The following BHMT variants were observed in gnomAD, a reference collection of about 807,000 sequenced individuals.
BHMT encodes the protein betaine--homocysteine S-methyltransferase.
A neutral mutation model predicts 49.5 loss-of-function variants in BHMT; 38 were observed. The observed-to-expected ratio is 0.77, with a 90% confidence interval of 0.59 to 1.01. The LOEUF is 1.01. Ranked by LOEUF, BHMT falls within the 50% of genes least tolerant of loss-of-function variation. The pLI is 0.00. For synonymous variants in BHMT, 166 were observed against 176.3 expected, an observed-to-expected ratio of 0.94 and a Z score of 0.46; for missense variants, 426 against 495.7, an observed-to-expected ratio of 0.86 and a Z score of 1.34.
chr5:79,113,105 C>T (rs1227667563), intron 1 of BHMT, among the ~76,000 whole-genome samples: 2 of 152,214 alleles, frequency 1.3e-5, no homozygotes, highest in Non-Finnish European at 2.9e-5. Flanking sequence ...AAAAAGACCT[C>T]TACACAAGGA....
chr5:79,122,026 C>A (rs906534093), intron 5 of BHMT, among the ~76,000 whole-genome samples: 4 of 151,624 alleles, frequency 2.6e-5, no homozygotes, highest in African/African-American at 9.7e-5. Context: ...ACTGCAATCT[C>A]CGCCTCCCAG....
intron 5 of BHMT, 146 bp from the exon 6 acceptor site, chr5:79,125,900 G>A (rs1165225945): frequency 1.5e-5 from 11 of 746,750 alleles, no homozygotes; most frequent in East Asian, 1.1e-4. Context: ...CTGAGATCAC[G>A]CTACTGCACT....
chr5:79,116,203 A>G (rs1206105730), intron 2 of BHMT: 1 of 191,078 alleles, frequency 5.2e-6, no homozygotes, highest in Non-Finnish European at 1.1e-5. Flanking sequence ...AGTGGTAGCT[A>G]GAATTGATGG....
intron 2 of BHMT, among the ~76,000 whole-genome samples, chr5:79,118,386 G>A (rs187576889): frequency 1.3e-5 from 2 of 152,296 alleles, no homozygotes; most frequent in African/African-American, 4.8e-5. Context: ...AGAATTGCTT[G>A]AACCCAGGAA....
chr5:79,129,013 T>C (rs1253883931), intron 7 of BHMT, among the ~76,000 whole-genome samples: 1 of 151,780 alleles, frequency 6.6e-6, no homozygotes, highest in East Asian at 1.9e-4. Flanking sequence ...AAAAGAAGGG[T>C]TTTGGGGCTG....
chr5:79,125,232 C>T (rs558920720), intron 5 of BHMT, among the ~76,000 whole-genome samples: 3 of 151,910 alleles, frequency 2.0e-5, no homozygotes, highest in South Asian at 2.1e-4. Flanking sequence ...CTGAGCTGGG[C>T]GGATCACAAG....
At position 79,117,472 on chromosome 5, in the gene BHMT, T is replaced by C. The variant is rs1428683490; in HGVS notation, c.166+1573T>C. Among the ~76,000 whole-genome samples the C allele has an allele frequency of 1.3e-5, 2 of 152,214 alleles. 1 individual carries two copies. Among genetic ancestry groups the C allele is most frequent in the Non-Finnish European group, 2.9e-5 (2 of 68,032 alleles). On this transcript the variant is annotated intron_variant, in intron 2 of 7. Transcript: ENST00000274353. ...AAGCCCGCTAATTTAGGGATGCTTT[T>C]GAGGTCCCACTGAGAACTTTCTATG...
chr5:79,129,214 G>A (rs965260653), intron 7 of BHMT, among the ~76,000 whole-genome samples: 1 of 152,194 alleles, frequency 6.6e-6, no homozygotes, highest in South Asian at 2.1e-4. Context: ...CAGGCAGAAC[G>A]ATAAGCAGGT....
chr5:79,121,586 G>A (rs554145679), intron 5 of BHMT, among the ~76,000 whole-genome samples: 4 of 152,178 alleles, frequency 2.6e-5, no homozygotes, highest in East Asian at 1.9e-4. Flanking sequence ...AGGCAGAGAC[G>A]GGTGGATCAT....
intron 7 of BHMT, 130 bp downstream of exon 7, chr5:79,128,113 A>T: frequency 8.9e-7 from 1 of 1,122,698 alleles, no homozygotes; most frequent in Non-Finnish European, 1.3e-6. Flanking sequence ...TCTCCCAGAG[A>T]TGTTTACAAA....
chr5:79,111,837 G>C lies in BHMT; in HGVS notation c.-49G>C. On this transcript the variant is annotated 5_prime_UTR_variant, in exon 1 of 8. Coordinates refer to ENST00000274353, the MANE Select transcript of BHMT (RefSeq NM_001713.3). ...TCGGGGCTGCGCAGCGGGAAGGCTC[G>C]CCTAGTCGGTCCGCATCCGTGTCGA... 1 of 1,608,552 alleles carries C rather than the reference G, an allele frequency of 6.2e-7. No individual in the cohort carries two copies. The highest frequency in any genetic ancestry group is 8.5e-7 in the Non-Finnish European group (1 of 1,177,676).
At chr5:79,117,665 G>GA (rs1385243811) in intron 2 of BHMT, among the ~76,000 whole-genome samples, 4 of 152,194 alleles carry the variant, frequency 2.6e-5, no homozygotes, top group Non-Finnish European at 4.4e-5. Context: ...GATGAGTATA[G>GA]ACTCATCTCC....
At chr5:79,120,916 G>C (rs1424961816) in intron 4 of BHMT, among the ~76,000 whole-genome samples, 3 of 152,156 alleles carry the variant, frequency 2.0e-5, no homozygotes, top group African/African-American at 7.2e-5. Context: ...ACTTTGGGAG[G>C]CCAAGGCGTG....
intron 4 of BHMT, among the ~76,000 whole-genome samples, chr5:79,120,922 G>T (rs2112726822): frequency 6.6e-6 from 1 of 152,188 alleles, no homozygotes; most frequent in Non-Finnish European, 1.5e-5. Context: ...GGAGGCCAAG[G>T]CGTGTGGATC....
chr5:79,127,929 A>T lies in BHMT; in HGVS notation c.983A>T (p.His328Leu), dbSNP rs755130315. ...TTTTTGCCACCAGCTTCAGAAAAAC[A>T]TGGCAGCTGGGGAAGTGGTTTGGAC... Reference protein sequence around the residue: ...RGFLPPASEKHGSWGSGLDMH... With the variant: ...RGFLPPASEKLGSWGSGLDMH... Residue 328 changes from histidine to leucine, a missense_variant, in exon 7 of 8, where the codon CAT (histidine) becomes CTT (leucine). His to Leu is a moderately conservative substitution (Grantham distance 99). Transcript: ENST00000274353. 1 of 1,614,154 alleles carries T rather than the reference A, an allele frequency of 6.2e-7. No individual in the cohort carries two copies. Among genetic ancestry groups the T allele is most frequent in the South Asian group, 1.1e-5 (1 of 91,072 alleles).
In BHMT at chr5:79,116,072, G is replaced by C. The variant is rs939191410; in HGVS notation, c.166+173G>C. 5.5e-6 allele frequency: 4 copies of C among 733,628 alleles called. No individual in the cohort carries two copies. In the African/African-American group the frequency reaches 5.5e-5, roughly 10 times the overall value. The allele number at this position is 733,628 out of a possible 1,614,324, so 45.4% of individuals were successfully genotyped here. On this transcript the variant is annotated intron_variant, in intron 2 of 7. Coordinates refer to ENST00000274353, the MANE Select transcript of BHMT (RefSeq NM_001713.3). The stretch of plus-strand genomic sequence containing the variant: ...TCTCTCAGAAGTTTTTTAAAAATTA[G>C]CTGGACATGGTGGTGCACTCCTGTA...
chr5:79,114,949 G>A (rs970710216), intron 1 of BHMT, among the ~76,000 whole-genome samples: 11 of 152,200 alleles, frequency 7.2e-5, no homozygotes, highest in African/African-American at 2.4e-4. Context: ...ACACCAGGGT[G>A]ATTACTGCAC....
chr5:79,121,150 C>CAA (rs112263466), intron 4 of BHMT, 68 bp from the exon 5 acceptor site: 2,642 of 1,343,398 alleles, frequency 2.0e-3, no homozygotes, highest in South Asian at 3.4e-3. Context: ...AACTCCGTCT[C>CAA]AAAAAAAAAA....
At chr5:79,121,747 G>A (rs1432321849) in intron 5 of BHMT, among the ~76,000 whole-genome samples, 3 of 150,084 alleles carry the variant, frequency 2.0e-5, no homozygotes, top group Admixed American at 6.6e-5. Flanking sequence ...CCCGGGAGGC[G>A]GAGCTTGCAG....
Sources: gnomAD v4.1 joint callset for allele counts (sites outside exome capture counted in the v4.1 genomes callset) on GRCh38, gnomAD v4.1.1 for gene constraint, MANE v1.5 for transcripts, NCBI Gene and HGNC (gene_info 2026-07-23, HGNC 2026-07-21) for gene names.